Variants in CACNA2D3 observed in about 807,000 individuals in gnomAD.
CACNA2D3 encodes the protein voltage-dependent calcium channel subunit alpha-2/delta-3.
Under a neutral mutation model 160.6 loss-of-function variants are expected in CACNA2D3, and 60 were observed. That is an observed-to-expected ratio of 0.37 (90% confidence interval 0.30 to 0.46). CACNA2D3 has a LOEUF of 0.46. Ranked by LOEUF, CACNA2D3 falls within the 20% of genes least tolerant of loss-of-function variation. The pLI, the probability that CACNA2D3 is intolerant of heterozygous loss-of-function variation, is 1.00. For missense variants in CACNA2D3, 1,205 were observed against 1,365.0 expected (o/e 0.88, Z 1.85); for synonymous variants, 558 against 492.9 (o/e 1.13, Z -1.75).
intron 17 of CACNA2D3, among the ~76,000 whole-genome samples, chr3:54,864,115 C>A (rs1312404205): frequency 6.6e-6 from 1 of 152,120 alleles, no homozygotes; most frequent in Admixed American, 6.5e-5. Context: ...GGAGACAGCA[C>A]CATTTCAGTG....
intron 2 of CACNA2D3, among the ~76,000 whole-genome samples, chr3:54,245,323 G>T (rs1702051986): frequency 6.6e-6 from 1 of 152,056 alleles, no homozygotes. Flanking sequence ...GTGTGTGTGT[G>T]TGTGGGAGAG....
chr3:54,600,876 C>T (rs1559523218), intron 9 of CACNA2D3, among the ~76,000 whole-genome samples: 1 of 152,006 alleles, frequency 6.6e-6, no homozygotes, highest in East Asian at 1.9e-4. Context: ...ATGACACTCC[C>T]TGAACCTGCA....
At chr3:54,332,476 C>T (rs565489834) in intron 3 of CACNA2D3, among the ~76,000 whole-genome samples, 6 of 152,276 alleles carry the variant, frequency 3.9e-5, no homozygotes, top group African/African-American at 1.4e-4. Context: ...GTATAGGACA[C>T]GTGAGCATGC....
At chr3:54,765,469 G>C (rs1472242652) in intron 13 of CACNA2D3, among the ~76,000 whole-genome samples, 1 of 152,182 alleles carries the variant, frequency 6.6e-6, no homozygotes, top group East Asian at 1.9e-4. Context: ...GCTTGAGTCT[G>C]TCCCCAGTTT....
At chr3:54,952,681 G>A (rs1701788822) in intron 27 of CACNA2D3, among the ~76,000 whole-genome samples, 3 of 152,104 alleles carry the variant, frequency 2.0e-5, no homozygotes, top group Admixed American at 2.0e-4. Context: ...GTGTTCATGG[G>A]TTCAAATTCT....
intron 4 of CACNA2D3, among the ~76,000 whole-genome samples, chr3:54,406,783 C>T (rs552378282): frequency 2.9e-4 from 44 of 151,876 alleles, no homozygotes; most frequent in African/African-American, 9.2e-4. Flanking sequence ...TATTGTATTC[C>T]GGACTTTGGT....
intron 2 of CACNA2D3, among the ~76,000 whole-genome samples, chr3:54,140,373 C>T (rs1439717851): frequency 6.6e-6 from 1 of 152,208 alleles, no homozygotes; most frequent in Non-Finnish European, 1.5e-5. Flanking sequence ...CTCCAGTGCT[C>T]AGCAAAATAC....
At chr3:54,655,322 A>G (rs1192306317) in intron 11 of CACNA2D3, among the ~76,000 whole-genome samples, 3 of 152,342 alleles carry the variant, frequency 2.0e-5, no homozygotes, top group Non-Finnish European at 4.4e-5. Flanking sequence ...ATCTGGCAGT[A>G]TTATTAAGAA....
rs189770435 is a variant in CACNA2D3, at chr3:54,944,451, C to T, written c.2450-23999C>T. Among the ~76,000 whole-genome samples, 127 of 151,708 alleles carry T rather than the reference C, an allele frequency of 8.4e-4. 2 individuals carry two copies. The East Asian group carries it at 0.021, about 25-fold the overall frequency. ...ATTTATTTATTTTGAGACGGAATCT[C>T]GCTCTGTCGCCCAGGCTGGAGTGCA... On this transcript the variant is annotated intron_variant, in intron 27 of 37. Transcript: ENST00000474759.
Position 54,968,308 on chromosome 3 carries a change from G to A in CACNA2D3, c.2450-142G>A, listed in dbSNP as rs531329319. 1.5e-5 allele frequency: 9 copies of A among 615,614 alleles called. No individual in the cohort carries two copies. In the African/African-American group the frequency reaches 1.5e-4, roughly 10 times the overall value. The allele number at this position is 615,614 out of a possible 1,614,324, so 38.1% of individuals were successfully genotyped here. A position where few individuals can be genotyped will look rare whatever the true frequency, so the allele number is the denominator to read the frequency against. ...GAATTCTTTACCTGAAAGATAAAAT[G>A]TTTTAGTTGTATGCTTCACTGTACA... On this transcript the variant is annotated intron_variant, in intron 27 of 37. Transcript: ENST00000474759.
chr3:54,356,059 C>T (rs1351652319), intron 3 of CACNA2D3, among the ~76,000 whole-genome samples: 2 of 131,790 alleles, frequency 1.5e-5, no homozygotes, highest in Non-Finnish European at 3.1e-5. Flanking sequence ...AAATTGCAGA[C>T]TTCCTGGCTG....
chr3:54,132,073 C>T (rs1200396039), intron 2 of CACNA2D3, among the ~76,000 whole-genome samples: 1 of 152,208 alleles, frequency 6.6e-6, no homozygotes, highest in African/African-American at 2.4e-5. Context: ...GCTCAGCCTC[C>T]TACTGGTTTT....
chr3:54,933,808 C>T (rs1219999805), intron 27 of CACNA2D3, among the ~76,000 whole-genome samples: 1 of 150,558 alleles, frequency 6.6e-6, no homozygotes, highest in African/African-American at 2.5e-5. Context: ...ATCCAGGCCA[C>T]TGCAGGCTAG....
intron 11 of CACNA2D3, among the ~76,000 whole-genome samples, chr3:54,733,507 A>C (rs1482366715): frequency 2.0e-5 from 3 of 152,168 alleles, no homozygotes; most frequent in Non-Finnish European, 2.9e-5. Context: ...TTTCTTTGCA[A>C]TTTGAAGCAG....
Position 54,983,306 on chromosome 3 carries a change from A to T in CACNA2D3, c.2557-1302A>T, listed in dbSNP as rs1471901056. On this transcript the variant is annotated intron_variant, in intron 29 of 37. Coordinates refer to ENST00000474759, the MANE Select transcript of CACNA2D3 (RefSeq NM_018398.3). ...AGGAACTGAATTTTTAGTTGCATTA[A>T]TTTTAATTAAGTTGAAATTAAATTT... is the stretch of plus-strand genomic sequence containing the variant. Among the ~76,000 whole-genome samples, 5 of 152,324 alleles carry T rather than the reference A, an allele frequency of 3.3e-5. No individual in the cohort carries two copies. In the South Asian group the frequency reaches 8.3e-4, roughly 25 times the overall value.
chr3:54,245,224 T>TAA (rs932166414), intron 2 of CACNA2D3, among the ~76,000 whole-genome samples: 2 of 151,874 alleles, frequency 1.3e-5, no homozygotes, highest in Non-Finnish European at 2.9e-5. Context: ...ATTTTTTTTT[T>TAA]AAAAAATTTA....
intron 4 of CACNA2D3, among the ~76,000 whole-genome samples, chr3:54,494,419 C>T (rs757185114): frequency 1.9e-4 from 29 of 152,186 alleles, no homozygotes; most frequent in Non-Finnish European, 3.5e-4. Context: ...GCTTTCATCC[C>T]TATTTCATCT....
chr3:54,772,521 C>CGA (rs1199218571), intron 13 of CACNA2D3, among the ~76,000 whole-genome samples: 1 of 152,042 alleles, frequency 6.6e-6, no homozygotes, highest in Non-Finnish European at 1.5e-5. Context: ...AACTTCCTTT[C>CGA]AGGGCCCATT....
At chr3:54,241,602 G>T (rs1575338038) in intron 2 of CACNA2D3, among the ~76,000 whole-genome samples, 1 of 152,218 alleles carries the variant, frequency 6.6e-6, no homozygotes, top group African/African-American at 2.4e-5. Context: ...AAGAGACTTG[G>T]CTGGTATATG....
Sources: gnomAD v4.1 joint callset for allele counts (sites outside exome capture counted in the v4.1 genomes callset) on GRCh38, gnomAD v4.1.1 for gene constraint, MANE v1.5 for transcripts, NCBI Gene and HGNC (gene_info 2026-07-23, HGNC 2026-07-21) for gene names.